LRP6: variants seen among roughly 807,000 people sequenced by gnomAD.
LRP6 encodes the protein LDL receptor related protein 6.
LRP6 carries 43 observed loss-of-function variants against 184.1 expected under a neutral mutation model. The observed-to-expected ratio is 0.23, with a 90% CI of 0.18 to 0.30. The LOEUF (loss-of-function observed/expected upper bound fraction) is 0.30, where lower values mean the gene tolerates loss of function less well. Ranked by LOEUF, LRP6 falls within the 10% of genes least tolerant of loss-of-function variation. The pLI, the probability that LRP6 is intolerant of heterozygous loss-of-function variation, is 1.00. For synonymous variants in LRP6, 719 were observed against 684.9 expected (o/e 1.05, Z -0.78); for missense variants, 1,571 against 2,005.3 (o/e 0.78, Z 4.14).
At chr12:12,229,202 CT>C (rs1864710174) in intron 2 of LRP6, among the ~76,000 whole-genome samples, 1 of 152,068 alleles carries the variant, frequency 6.6e-6, no homozygotes, top group Non-Finnish European at 1.5e-5. Context: ...GAATCCCCAT[CT>C]CTACTAAAAA....
At chr12:12,145,612 T>C (rs1949994387) in intron 15 of LRP6, among the ~76,000 whole-genome samples, 1 of 123,918 alleles carries the variant, frequency 8.1e-6, no homozygotes, top group South Asian at 2.9e-4. Flanking sequence ...CCCACATTTC[T>C]TTTTTCTTTT....
intron 2 of LRP6, among the ~76,000 whole-genome samples, chr12:12,241,606 C>CTT (rs1427164472): frequency 6.6e-6 from 1 of 152,078 alleles, no homozygotes; most frequent in Non-Finnish European, 1.5e-5. Context: ...TTTGAGAGGA[C>CTT]TGTTAAAGCT....
At chr12:12,162,546 T>G (rs1404408686) in intron 9 of LRP6, 127 bp from the exon 10 acceptor site, 1 of 755,380 alleles carries the variant, frequency 1.3e-6, no homozygotes, top group Non-Finnish European at 2.3e-6. Flanking sequence ...CTATTTCCTA[T>G]TAAAATTCAC....
chr12:12,143,512 T>C (rs536127723), intron 15 of LRP6, among the ~76,000 whole-genome samples: 1 of 151,398 alleles, frequency 6.6e-6, no homozygotes, highest in South Asian at 2.1e-4. Flanking sequence ...GTTATAATAA[T>C]TGACAGTATA....
Position 12,120,909 on chromosome 12 carries a change from T to C in LRP6, c.*217A>G, listed in dbSNP as rs17848277. ...GTACAAATTTTTTTTATACAAACTTTTATGGCACAAGCAGCAAATCTGCTG... is the reference window on the plus strand; with the variant it reads ...GTACAAATTTTTTTTATACAAACTTCTATGGCACAAGCAGCAAATCTGCTG... On this transcript the variant is annotated 3_prime_UTR_variant, in exon 23 of 23. Transcript: ENST00000261349. 1 of 423,996 alleles carries C rather than the reference T, an allele frequency of 2.4e-6. No individual in the cohort carries two copies. Among genetic ancestry groups the C allele is most frequent in the Non-Finnish European group, 4.1e-6 (1 of 244,750 alleles). The allele number at this position is 423,996 out of a possible 1,614,324, so 26.3% of individuals were successfully genotyped here. A position where few individuals can be genotyped will look rare whatever the true frequency, so the allele number is the denominator to read the frequency against.
At position 12,147,507 on chromosome 12, in the gene LRP6, C is replaced by A; in HGVS notation, c.3256G>T (p.Ala1086Ser). 1 of 1,613,980 alleles carries A rather than the reference C, an allele frequency of 6.2e-7. No homozygotes were observed. Residue 1086 changes from alanine (A) to serine (S), a missense_variant, in exon 15 of 23, where the codon GCT (alanine) becomes TCT (serine). Ala to Ser is a moderately conservative substitution (Grantham distance 99). Coordinates refer to ENST00000261349, the MANE Select transcript of LRP6 (RefSeq NM_002336.3). The stretch of plus-strand genomic sequence containing the variant: ...TCCCGTTCTGTCCCATCCAAAGCAG[C>A]CCGTTCAATTTTAGGAGACCTTTCC... ...LQERSPKIER[A>S]ALDGTEREVL...
chr12:12,244,380 A>G lies in LRP6; in HGVS notation c.331T>C (p.Trp111Arg). The change falls in exon 2 of 23, where the codon TGG becomes CGG. Residue 111 changes from tryptophan (W) to arginine (R), a missense_variant. Physicochemically the swap from Trp to Arg is moderately radical, Grantham distance 101 (BLOSUM62 -3). This residue lies in a region of LRP6 where 640 missense variants were observed against 851.9 expected (regional missense o/e 0.75). Transcript: ENST00000261349. ...ACDWLGEKLY[W>R]TDSETNRIEV... ...ATCCGATTAGTTTCAGAATCTGTCC[A>G]GTACAATTTTTCTCCAAGCCAATCA... The G allele has an allele frequency of 6.2e-7, 1 of 1,614,224 alleles. No homozygotes were observed. Among genetic ancestry groups the G allele is most frequent in the Non-Finnish European group, 8.5e-7 (1 of 1,180,038 alleles).
intron 7 of LRP6, among the ~76,000 whole-genome samples, chr12:12,171,479 G>A (rs1863041386): frequency 1.3e-5 from 2 of 151,756 alleles, no homozygotes; most frequent in African/African-American, 4.8e-5. Flanking sequence ...CCGAGACTGT[G>A]CCACTGCACT....
chr12:12,230,133 T>C (rs1297585183), intron 2 of LRP6, among the ~76,000 whole-genome samples: 2 of 152,184 alleles, frequency 1.3e-5, no homozygotes, highest in South Asian at 2.1e-4. Context: ...TGAGCTTCAT[T>C]TTAACTGGGA....
At chr12:12,197,543 T>TA (rs1025860152) in intron 3 of LRP6, among the ~76,000 whole-genome samples, 1 of 152,236 alleles carries the variant, frequency 6.6e-6, no homozygotes, top group African/African-American at 2.4e-5. Flanking sequence ...AATAAGCGCA[T>TA]ACTAGTAAGT....
chr12:12,237,987 GGTGAAA>G (rs1864966517), intron 2 of LRP6, among the ~76,000 whole-genome samples: 1 of 152,042 alleles, frequency 6.6e-6, no homozygotes, highest in Non-Finnish European at 1.5e-5. Flanking sequence ...AGGGAAGCTG[GGTGAAA>G]GTTACACTAG....
At position 12,126,585 on chromosome 12, in the gene LRP6, G is replaced by T. The variant is rs535076480; in HGVS notation, c.4312+106C>A. ...GTCCTTATAATTGTTTAAACTCAGA[G>T]TAATATGGTTTCAGACAGACTCTAG... On this transcript the variant is annotated intron_variant, in intron 20 of 22. Transcript: ENST00000261349. 859 of 882,942 alleles carry T rather than the reference G, an allele frequency of 9.7e-4. 1 individual carries two copies. Among genetic ancestry groups the T allele is most frequent in the Middle Eastern group, 3.6e-3 (15 of 4,208 alleles). 54.7% of individuals were successfully genotyped at this position (882,942 alleles called of 1,614,324 possible).
At chr12:12,137,051 C>T (rs1450065467) in intron 16 of LRP6, among the ~76,000 whole-genome samples, 1 of 152,154 alleles carries the variant, frequency 6.6e-6, no homozygotes, top group East Asian at 1.9e-4. Context: ...CAATTTTTAA[C>T]TTTCTAATTC....
At chr12:12,195,383 G>A (rs1291383581) in intron 3 of LRP6, among the ~76,000 whole-genome samples, 1 of 151,952 alleles carries the variant, frequency 6.6e-6, no homozygotes, top group Non-Finnish European at 1.5e-5. Flanking sequence ...TTTGGTAATA[G>A]CCATATGGTA....
chr12:12,229,771 A>C (rs1018356613), intron 2 of LRP6, among the ~76,000 whole-genome samples: 3 of 152,242 alleles, frequency 2.0e-5, no homozygotes, highest in African/African-American at 7.2e-5. Flanking sequence ...GCTAGGCTAC[A>C]GGCTTATATA....
chr12:12,206,475 G>A (rs576826913), intron 2 of LRP6, among the ~76,000 whole-genome samples: 4 of 151,826 alleles, frequency 2.6e-5, no homozygotes, highest in African/African-American at 4.8e-5. Flanking sequence ...CCCGGGACGC[G>A]GAGCTTGCAG....
At chr12:12,181,562 G>C (rs1863345856) in intron 5 of LRP6, 123 bp from the exon 6 acceptor site, 1 of 698,818 alleles carries the variant, frequency 1.4e-6, no homozygotes, top group Non-Finnish European at 2.5e-6. Flanking sequence ...ACAAAAGGAT[G>C]TGCACTCTCT....
Position 12,170,364 on chromosome 12 carries a change from T to C in LRP6, c.1546-5069A>G, listed in dbSNP as rs192556880. On this transcript the variant is annotated intron_variant, in intron 7 of 22. Transcript: ENST00000261349. Reference sequence around the variant, plus strand: ...TATAAAACAGTAGACAGAATTTTAATAGTATACTTTATTTAATCTAACACA... The same window carrying C: ...TATAAAACAGTAGACAGAATTTTAACAGTATACTTTATTTAATCTAACACA... Among the ~76,000 whole-genome samples, 99 of 152,250 alleles carry C rather than the reference T, an allele frequency of 6.5e-4. 4 individuals carry two copies. In the South Asian group the frequency reaches 0.018, roughly 27 times the overall value.
chr12:12,207,515 C>CA (rs993380924), intron 2 of LRP6, among the ~76,000 whole-genome samples: 10 of 151,364 alleles, frequency 6.6e-5, no homozygotes, highest in Non-Finnish European at 1.2e-4. Context: ...GAGATTCCGT[C>CA]AAAAAAATAA....
Sources: gnomAD v4.1 joint callset for allele counts (sites outside exome capture counted in the v4.1 genomes callset) on GRCh38, gnomAD v4.1.1 for gene constraint, gnomAD v4.1.1 regional missense constraint, MANE v1.5 for transcripts, NCBI Gene and HGNC (gene_info 2026-07-23, HGNC 2026-07-21) for gene names.